The following CHL1 variants were observed in gnomAD, a reference collection of about 807,000 sequenced individuals.
CHL1 encodes neural cell adhesion molecule L1-like protein.
CHL1 carries 96 observed loss-of-function variants against 141.9 expected under a neutral mutation model. That is an observed-to-expected ratio of 0.68 (90% CI 0.57 to 0.80). The LOEUF (loss-of-function observed/expected upper bound fraction) is 0.80, where lower values mean the gene tolerates loss of function less well. Ranked by LOEUF, CHL1 falls within the 30% of genes least tolerant of loss-of-function variation. The pLI is 0.00. For missense variants in CHL1, 1,820 were observed against 1,457.2 expected (o/e 1.25, Z -4.05); for synonymous variants, 613 against 502.2 (o/e 1.22, Z -2.95).
intron 2 of CHL1, among the ~76,000 whole-genome samples, chr3:278,095 A>G (rs919297418): frequency 2.2e-4 from 34 of 152,348 alleles, no homozygotes; most frequent in African/African-American, 7.9e-4. Flanking sequence ...TTCCAGTTCA[A>G]GAAGGAAATA....
chr3:279,469 A>C (rs1316246752), intron 2 of CHL1, among the ~76,000 whole-genome samples: 1 of 152,240 alleles, frequency 6.6e-6, no homozygotes, highest in Non-Finnish European at 1.5e-5. Context: ...AGATAAATTT[A>C]GCAGTCTTTT....
intron 1 of CHL1, among the ~76,000 whole-genome samples, chr3:205,253 G>A (rs1699321382): frequency 6.6e-6 from 1 of 152,006 alleles, no homozygotes; most frequent in Non-Finnish European, 1.5e-5. Context: ...TGGGACTACA[G>A]ACGGGCACCA....
chr3:336,367 G>A (rs1189140473), intron 5 of CHL1, among the ~76,000 whole-genome samples: 1 of 152,014 alleles, frequency 6.6e-6, no homozygotes, highest in Non-Finnish European at 1.5e-5. Context: ...GTGTTTTTTG[G>A]TTTTTGTTTT....
intron 3 of CHL1, among the ~76,000 whole-genome samples, chr3:322,204 T>C (rs73009525): frequency 0.11 from 17,478 of 152,072 alleles, 1,289 homozygotes; most frequent in East Asian, 0.33. Flanking sequence ...ATTTTGCATG[T>C]TGGTTTATGA....
chr3:221,869 T>C (rs989502889), intron 1 of CHL1, among the ~76,000 whole-genome samples: 1 of 152,230 alleles, frequency 6.6e-6, no homozygotes, highest in Non-Finnish European at 1.5e-5. Flanking sequence ...TATAAAAATA[T>C]TGTATGTGTT....
intron 1 of CHL1, among the ~76,000 whole-genome samples, chr3:198,908 G>A (rs975689377): frequency 2.0e-5 from 3 of 152,336 alleles, no homozygotes; most frequent in African/African-American, 7.2e-5. Flanking sequence ...GATGAAGTTG[G>A]CTTTTCAGTA....
intron 18 of CHL1, 63 bp downstream of exon 18, chr3:382,734 T>TAA: frequency 8.1e-6 from 10 of 1,230,444 alleles, no homozygotes; most frequent in Middle Eastern, 2.1e-4. Context: ...TTTGAACATC[T>TAA]AAAAAAAAAA....
intron 10 of CHL1, among the ~76,000 whole-genome samples, chr3:353,265 A>T (rs1468562341): frequency 6.6e-6 from 1 of 152,182 alleles, no homozygotes; most frequent in African/African-American, 2.4e-5. Flanking sequence ...TCTATTATAA[A>T]TATGATATGC....
At chr3:301,776 G>C (rs1284165631) in intron 2 of CHL1, among the ~76,000 whole-genome samples, 1 of 152,108 alleles carries the variant, frequency 6.6e-6, no homozygotes, top group Non-Finnish European at 1.5e-5. Flanking sequence ...TATACTTTAA[G>C]TTCTGGGTTA....
intron 16 of CHL1, among the ~76,000 whole-genome samples, chr3:381,620 G>T (rs924554703): frequency 1.3e-5 from 2 of 152,212 alleles, no homozygotes; most frequent in Admixed American, 1.3e-4. Flanking sequence ...GTCATAGGTG[G>T]ATTCAAAGAT....
At chr3:318,739 C>G (rs1700323530) in intron 2 of CHL1, among the ~76,000 whole-genome samples, 1 of 151,236 alleles carries the variant, frequency 6.6e-6, no homozygotes, top group Admixed American at 6.6e-5. Flanking sequence ...TTTCTTTCCT[C>G]TATCTTGCTG....
At chr3:266,390 G>C (rs552831707) in intron 2 of CHL1, among the ~76,000 whole-genome samples, 1 of 152,172 alleles carries the variant, frequency 6.6e-6, no homozygotes, top group Non-Finnish European at 1.5e-5. Context: ...AAGCAACCTG[G>C]TTAGAAGGGG....
At chr3:269,979 C>T (rs994292116) in intron 2 of CHL1, among the ~76,000 whole-genome samples, 3 of 152,122 alleles carry the variant, frequency 2.0e-5, no homozygotes, top group Non-Finnish European at 4.4e-5. Flanking sequence ...GTACCTGAGA[C>T]CTGTGCAGAA....
chr3:201,624 G>A (rs1846455), intron 1 of CHL1, among the ~76,000 whole-genome samples: 143,954 of 152,260 alleles, frequency 0.95, 68,405 homozygotes, highest in East Asian at 1. Context: ...TGAACTGACA[G>A]TTTGGTACAT....
At chr3:237,968 A>T (rs1184757885) in intron 1 of CHL1, among the ~76,000 whole-genome samples, 4 of 152,210 alleles carry the variant, frequency 2.6e-5, no homozygotes, top group Non-Finnish European at 5.9e-5. Context: ...GGTTTTGCTG[A>T]TAAATAATTC....
intron 18 of CHL1, 48 bp downstream of exon 18, chr3:382,719 C>T (rs1707201173): frequency 6.6e-7 from 1 of 1,524,102 alleles, no homozygotes; most frequent in Non-Finnish European, 9.1e-7. Flanking sequence ...TTGTTTGTCC[C>T]CATCTTTGAA....
intron 3 of CHL1, 149 bp downstream of exon 3, chr3:320,016 T>G: frequency 1.8e-6 from 1 of 571,404 alleles, no homozygotes; most frequent in Non-Finnish European, 3.0e-6. Flanking sequence ...ATATCTATCT[T>G]TTTCGTTTTG....
chr3:211,626 A>T, intron 1 of CHL1, among the ~76,000 whole-genome samples: 1 of 152,174 alleles, frequency 6.6e-6, no homozygotes, highest in Non-Finnish European at 1.5e-5. Flanking sequence ...CTGAAGCATT[A>T]TCCCATCCTT....
intron 11 of CHL1, among the ~76,000 whole-genome samples, chr3:356,248 AG>A (rs1437619359): frequency 1.3e-5 from 2 of 152,242 alleles, no homozygotes; most frequent in African/African-American, 4.8e-5. Flanking sequence ...AGGTTACAAA[AG>A]TAAGGAACGC....
Sources: allele counts gnomAD v4.1 joint callset (sites outside exome capture counted in the v4.1 genomes callset), GRCh38; gene constraint gnomAD v4.1.1; transcripts MANE v1.5; gene names NCBI Gene and HGNC (gene_info 2026-07-23, HGNC 2026-07-21).